Variants in HCN1 observed in about 807,000 individuals in gnomAD.
The protein encoded by HCN1 is potassium/sodium hyperpolarization-activated cyclic nucleotide-gated channel 1.
A neutral mutation model predicts 78.9 loss-of-function variants in HCN1; 13 were observed. That is an observed-to-expected ratio of 0.16 (90% CI 0.11 to 0.26). The LOEUF is 0.26. Among genes scored for constraint, HCN1 ranks in the 10% least tolerant of loss-of-function variants. HCN1 has a pLI of 1.00. For synonymous variants in HCN1, 552 were observed against 455.5 expected (o/e 1.21, Z -2.70); for missense variants, 810 against 1,154.3 (o/e 0.70, Z 4.32).
intron 2 of HCN1, among the ~76,000 whole-genome samples, chr5:45,611,417 G>A (rs949914422): frequency 4.6e-5 from 7 of 150,868 alleles, no homozygotes; most frequent in East Asian, 3.9e-4. Flanking sequence ...GATTACAGGC[G>A]CCCACCACCA....
intron 6 of HCN1, among the ~76,000 whole-genome samples, chr5:45,287,597 C>G (rs1745292932): frequency 6.6e-6 from 1 of 152,020 alleles, no homozygotes; most frequent in African/African-American, 2.4e-5. Context: ...TGTGTGCTCA[C>G]AATTCAATTT....
At chr5:45,548,427 C>G (rs115539416) in intron 2 of HCN1, among the ~76,000 whole-genome samples, 1 of 151,518 alleles carries the variant, frequency 6.6e-6, no homozygotes, top group Non-Finnish European at 1.5e-5. Flanking sequence ...AGTCAATGAA[C>G]CTCTTATTTA....
intron 4 of HCN1, among the ~76,000 whole-genome samples, chr5:45,372,192 T>TAAATATTATATA (rs1187858883): frequency 1.6e-5 from 1 of 61,670 alleles, no homozygotes; most frequent in Non-Finnish European, 2.4e-5. Context: ...TATAATACAA[T>TAAATATTATATA]TAATATAATA....
intron 4 of HCN1, among the ~76,000 whole-genome samples, chr5:45,376,236 C>CTATATATTATATATAGAATATAGAA (rs1747659003): frequency 6.4e-4 from 18 of 27,940 alleles, no homozygotes; most frequent in Middle Eastern, 0.071. Context: ...AATATATATT[C>CTATATATTATATATAGAATATAGAA]TATATATTCT....
chr5:45,373,050 AAT>A (rs1195205988), intron 4 of HCN1, among the ~76,000 whole-genome samples: 1 of 136,388 alleles, frequency 7.3e-6, no homozygotes, highest in Non-Finnish European at 1.5e-5. Context: ...TATAAAATAT[AAT>A]ATATATAAAA....
chr5:45,590,273 A>T (rs1251317041), intron 2 of HCN1, among the ~76,000 whole-genome samples: 3 of 152,200 alleles, frequency 2.0e-5, no homozygotes, highest in Non-Finnish European at 4.4e-5. Flanking sequence ...CATCAGGAAA[A>T]CAGTCCAAAA....
intron 3 of HCN1, among the ~76,000 whole-genome samples, chr5:45,420,494 T>C (rs1010960363): frequency 6.6e-6 from 1 of 152,120 alleles, no homozygotes; most frequent in African/African-American, 2.4e-5. Context: ...TCCTATTCTT[T>C]CCTGAAATTT....
At chr5:45,538,498 A>C (rs532533282) in intron 2 of HCN1, among the ~76,000 whole-genome samples, 1 of 152,298 alleles carries the variant, frequency 6.6e-6, no homozygotes, top group Non-Finnish European at 1.5e-5. Context: ...AATTTCGTGA[A>C]TCTAAATCAT....
At chr5:45,424,797 T>C (rs1431255011) in intron 3 of HCN1, among the ~76,000 whole-genome samples, 2 of 152,168 alleles carry the variant, frequency 1.3e-5, no homozygotes. Flanking sequence ...AACAATGCGA[T>C]AGAAAAATAA....
At chr5:45,430,332 T>TA (rs1340981328) in intron 3 of HCN1, among the ~76,000 whole-genome samples, 1 of 152,120 alleles carries the variant, frequency 6.6e-6, no homozygotes, top group African/African-American at 2.4e-5. Flanking sequence ...AGGTTTGTTA[T>TA]ATAGGTAAAC....
intron 6 of HCN1, among the ~76,000 whole-genome samples, chr5:45,294,056 C>G (rs1446508971): frequency 3.9e-5 from 6 of 151,900 alleles, no homozygotes; most frequent in Non-Finnish European, 7.4e-5. Context: ...AAAAATTGAG[C>G]TAATCAAATT....
In HCN1 at chr5:45,695,934, C is replaced by T; in HGVS notation, c.160G>A (p.Gly54Ser). ...TCCACCTTGAAGCACACGGAGTTGC[C>T]GTGCTCCTTCGCGCCGGCCCCGCCG... Reference protein sequence around the residue: ...GGGGAGAKEHGNSVCFKVDGG... With the variant: ...GGGGAGAKEHSNSVCFKVDGG... Residue 54 changes from glycine (G) to serine (S), a missense_variant, in exon 1 of 8, where the codon GGC (glycine) becomes AGC (serine). By Grantham distance (56) the Gly-to-Ser change is moderately conservative. Around this residue, in one of 6 missense-constraint regions of HCN1, gnomAD observed 170 missense variants for 166.8 expected, o/e 1.02. Transcript: ENST00000303230. 1 of 1,420,826 alleles carries T rather than the reference C, an allele frequency of 7.0e-7. No homozygotes were observed. The allele number at this position is 1,420,826 out of a possible 1,614,324, so 88.0% of individuals were successfully genotyped here.
At chr5:45,530,342 T>C (rs192092903) in intron 2 of HCN1, among the ~76,000 whole-genome samples, 1 of 152,094 alleles carries the variant, frequency 6.6e-6, no homozygotes, top group East Asian at 1.9e-4. Context: ...CAACATTAGC[T>C]TTCAGTAAAC....
At chr5:45,359,023 G>A (rs1465839871) in intron 4 of HCN1, among the ~76,000 whole-genome samples, 3 of 151,922 alleles carry the variant, frequency 2.0e-5, no homozygotes, top group African/African-American at 7.3e-5. Context: ...TATTCTTTCT[G>A]TAACCCCAAG....
intron 2 of HCN1, among the ~76,000 whole-genome samples, chr5:45,557,192 C>CT (rs939266046): frequency 4.0e-5 from 6 of 151,670 alleles, no homozygotes; most frequent in East Asian, 3.9e-4. Flanking sequence ...AATTTGAAAA[C>CT]TTTTTTTTTA....
chr5:45,300,842 G>C (rs1377319908), intron 6 of HCN1, among the ~76,000 whole-genome samples: 2 of 151,998 alleles, frequency 1.3e-5, no homozygotes, highest in Non-Finnish European at 2.9e-5. Context: ...TAGATTCATA[G>C]CTTTTCCTAA....
intron 2 of HCN1, among the ~76,000 whole-genome samples, chr5:45,537,653 T>G (rs1561193192): frequency 6.8e-6 from 1 of 146,858 alleles, no homozygotes; most frequent in Non-Finnish European, 1.5e-5. Flanking sequence ...TTCTTCTGCC[T>G]CAACCTCCCG....
intron 2 of HCN1, among the ~76,000 whole-genome samples, chr5:45,522,598 TTTTC>T (rs1030103820): frequency 1.3e-5 from 2 of 149,782 alleles, no homozygotes; most frequent in African/African-American, 2.5e-5. Flanking sequence ...TGTAAGTCTC[TTTTC>T]TTTTTTTTTT....
intron 3 of HCN1, among the ~76,000 whole-genome samples, chr5:45,397,604 AG>A (rs1200110960): frequency 1.3e-5 from 2 of 151,838 alleles, no homozygotes. Context: ...AATGAAAATG[AG>A]GGGGCTCTGG....
Sources: gnomAD v4.1 joint callset for allele counts (sites outside exome capture counted in the v4.1 genomes callset) on GRCh38, gnomAD v4.1.1 for gene constraint, gnomAD v4.1.1 regional missense constraint, MANE v1.5 for transcripts, NCBI Gene and HGNC (gene_info 2026-07-23, HGNC 2026-07-21) for gene names.